Variants in AKR1C1 observed in about 807,000 individuals in gnomAD.
The protein encoded by AKR1C1 is 20 alpha-hydroxysteroid dehydrogenase.
AKR1C1 carries 32 observed loss-of-function variants against 40.6 expected under a neutral mutation model. The ratio of observed to expected loss-of-function variants is 0.79; its 90% CI spans 0.60 to 1.06. AKR1C1 has a LOEUF of 1.06. AKR1C1 is among the 50% of genes least tolerant of loss of function. AKR1C1 has a pLI of 0.00. For synonymous variants in AKR1C1, 105 were observed against 134.2 expected (o/e 0.78, Z 1.50); for missense variants, 320 against 363.5 (o/e 0.88, Z 0.97).
chr10:4,976,284 T>C (rs1445958326), intron 8 of AKR1C1, among the ~76,000 whole-genome samples: 2 of 152,306 alleles, frequency 1.3e-5, no homozygotes, highest in East Asian at 3.9e-4. Flanking sequence ...ATTAGATGTT[T>C]CCAAATCTGT....
At position 4,974,540 on chromosome 10, in the gene AKR1C1, G is replaced by T. The variant is rs192704071; in HGVS notation, c.847-1311G>T. On this transcript the variant is annotated intron_variant, in intron 7 of 8. Coordinates refer to ENST00000380872, the MANE Select transcript of AKR1C1 (RefSeq NM_001353.6). The stretch of plus-strand genomic sequence containing the variant: ...TATTACTGTGTTATCTTACAAAATT[G>T]TTAATATTCTTTCCTTATAAATTTG... Among the ~76,000 whole-genome samples, 19 of 151,912 alleles carry T rather than the reference G, an allele frequency of 1.3e-4. No individual in the cohort carries two copies. In the East Asian group the frequency reaches 3.7e-3, roughly 29 times the overall value.
rs1212809987 is a variant in AKR1C1, at chr10:4,977,826, C to G, written c.*84C>G. The G allele has an allele frequency of 2.1e-6, 3 of 1,456,038 alleles. No homozygotes were observed. In the African/African-American group the frequency reaches 4.3e-5, roughly 21 times the overall value. The allele number at this position is 1,456,038 out of a possible 1,614,324, so 90.2% of individuals were successfully genotyped here. The stretch of plus-strand genomic sequence containing the variant: ...GGATGGCTCTATGCTGGTGACTGGA[C>G]ACATCGCCTCTGGTTAAATCTCTCC... On this transcript the variant is annotated 3_prime_UTR_variant, in exon 9 of 9. Coordinates refer to ENST00000380872, the MANE Select transcript of AKR1C1 (RefSeq NM_001353.6).
At chr10:4,976,566 T>G (rs1251010704) in intron 8 of AKR1C1, among the ~76,000 whole-genome samples, 24 of 152,234 alleles carry the variant, frequency 1.6e-4, no homozygotes, top group African/African-American at 5.5e-4. Flanking sequence ...TATGGAGATC[T>G]CAGTGCAGAG....
chr10:4,973,871 T>G (rs1324680146), intron 7 of AKR1C1, among the ~76,000 whole-genome samples: 2 of 149,668 alleles, frequency 1.3e-5, no homozygotes, highest in African/African-American at 4.9e-5. Flanking sequence ...CCAGAATACA[T>G]GCATATATAT....
chr10:4,974,790 A>G (rs1419647551), intron 7 of AKR1C1, among the ~76,000 whole-genome samples: 6 of 152,058 alleles, frequency 3.9e-5, no homozygotes, highest in Non-Finnish European at 7.4e-5. Flanking sequence ...TTTCTGTACT[A>G]TGATGTTAAA....
At chr10:4,974,614 C>A (rs1285562304) in intron 7 of AKR1C1, among the ~76,000 whole-genome samples, 1 of 151,966 alleles carries the variant, frequency 6.6e-6, no homozygotes, top group African/African-American at 2.4e-5. Context: ...AGATAAGGAT[C>A]CAAATATGCA....
Position 4,980,927 on chromosome 10 carries a change from G to C in AKR1C1, c.*3185G>C, listed in dbSNP as rs1554771020. 1 of 152,136 alleles carries C rather than the reference G, an allele frequency of 6.6e-6. No individual in the cohort carries two copies. The highest frequency in any genetic ancestry group is 1.5e-5 in the Non-Finnish European group (1 of 68,008). The allele number at this position is 152,136 out of a possible 1,614,324, so 9.4% of individuals were successfully genotyped here. A position where few individuals can be genotyped will look rare whatever the true frequency, so the allele number is the denominator to read the frequency against. ...CTTCAGACAAGTCACCATGGTAGCTGTAGACTTATGAAATGTATTTCCTGA... is the reference window on the plus strand; with the variant it reads ...CTTCAGACAAGTCACCATGGTAGCTCTAGACTTATGAAATGTATTTCCTGA... On this transcript the variant is annotated 3_prime_UTR_variant, in exon 9 of 9. Coordinates refer to ENST00000380872, the MANE Select transcript of AKR1C1 (RefSeq NM_001353.6).
intron 7 of AKR1C1, among the ~76,000 whole-genome samples, chr10:4,974,002 T>G (rs1836483968): frequency 6.6e-6 from 1 of 151,282 alleles, no homozygotes; most frequent in African/African-American, 2.4e-5. Flanking sequence ...TGCTAAAACA[T>G]TAAGTAAAAT....
chr10:4,967,579 C>T, intron 3 of AKR1C1: 2 of 905,106 alleles, frequency 2.2e-6, no homozygotes, highest in Non-Finnish European at 2.6e-6. Flanking sequence ...TCATTCATAA[C>T]TTTTGTCTTA....
chr10:4,977,090 T>C (rs1836537676), intron 8 of AKR1C1, among the ~76,000 whole-genome samples: 1 of 152,248 alleles, frequency 6.6e-6, no homozygotes, highest in African/African-American at 2.4e-5. Context: ...TAATAAGTTG[T>C]AATTGTACAT....
intron 1 of AKR1C1, 84 bp from the exon 2 acceptor site, chr10:4,965,830 G>T: frequency 1.3e-6 from 2 of 1,502,760 alleles, no homozygotes; most frequent in Non-Finnish European, 1.8e-6. Context: ...AGGAAAAGCT[G>T]ATTTTTGTGA....
At chr10:4,966,180 C>G (rs1836330685) in intron 2 of AKR1C1, 99 bp downstream of exon 2, 1 of 1,501,136 alleles carries the variant, frequency 6.7e-7, no homozygotes, top group African/African-American at 1.4e-5. Flanking sequence ...GTGAATTGTG[C>G]TTATTTATTA....
At chr10:4,966,229 CA>C (rs1836331708) in intron 2 of AKR1C1, 148 bp downstream of exon 2, 1 of 1,372,138 alleles carries the variant, frequency 7.3e-7, no homozygotes, top group African/African-American at 1.5e-5. Flanking sequence ...AAACTAATAT[CA>C]AAGGCAGGAA....
intron 5 of AKR1C1, among the ~76,000 whole-genome samples, chr10:4,970,823 G>T: frequency 8.9e-6 from 1 of 112,004 alleles, no homozygotes; most frequent in East Asian, 3.2e-4. Context: ...GGTGGGGGGA[G>T]GGGGGAGGGA....
chr10:4,968,122 A>G, intron 3 of AKR1C1, 187 bp from the exon 4 acceptor site: 1 of 1,095,526 alleles, frequency 9.1e-7, no homozygotes, highest in South Asian at 1.7e-5. Flanking sequence ...GTAAGAGATT[A>G]GAGGGAGCCT....
At chr10:4,970,034 T>C (rs1392915438) in intron 5 of AKR1C1, 2 of 345,026 alleles carry the variant, frequency 5.8e-6, no homozygotes, top group East Asian at 6.4e-5. Context: ...TGGAGACCCA[T>C]GTTACCATTT....
At chr10:4,968,181 A>C in intron 3 of AKR1C1, 128 bp from the exon 4 acceptor site, 1 of 1,227,862 alleles carries the variant, frequency 8.1e-7, no homozygotes, top group East Asian at 2.4e-5. Flanking sequence ...CACTCTGTAC[A>C]TACCACTCTC....
chr10:4,969,591 G>A lies in AKR1C1; in HGVS notation c.570+647G>A, dbSNP rs1033845041. ...ATGGAGCTGACCTATGACTGCCCCC[G>A]CTCCTAGTTGGCTGCTCTTCTTTGG... On this transcript the variant is annotated intron_variant, in intron 5 of 8. Coordinates refer to ENST00000380872, the MANE Select transcript of AKR1C1 (RefSeq NM_001353.6). 41 of 1,511,806 alleles carry A rather than the reference G, an allele frequency of 2.7e-5. No individual in the cohort carries two copies. In the African/African-American group the frequency reaches 3.1e-4, roughly 12 times the overall value. 93.6% of individuals were successfully genotyped at this position (1,511,806 alleles called of 1,614,324 possible).
At chr10:4,976,503 G>C (rs1554770470) in intron 8 of AKR1C1, among the ~76,000 whole-genome samples, 2 of 152,154 alleles carry the variant, frequency 1.3e-5, no homozygotes, top group Admixed American at 6.5e-5. Context: ...TTTGCCTCCA[G>C]AAAGTCTGTC....
Sources: allele counts gnomAD v4.1 joint callset (sites outside exome capture counted in the v4.1 genomes callset), GRCh38; gene constraint gnomAD v4.1.1; transcripts MANE v1.5; gene names NCBI Gene and HGNC (gene_info 2026-07-23, HGNC 2026-07-21).